THSD7B: variants seen among roughly 807,000 people sequenced by gnomAD.
THSD7B encodes the protein thrombospondin type 1 domain containing 7B, also known as thrombospondin type-1 domain-containing protein 7B.
THSD7B carries 138 observed loss-of-function variants against 213.6 expected under a neutral mutation model. The observed-to-expected ratio is 0.65, with a 90% confidence interval of 0.56 to 0.74. THSD7B has a LOEUF of 0.74. Among genes scored for constraint, THSD7B ranks in the 30% least tolerant of loss-of-function variants. The probability of loss-of-function intolerance (pLI) is 0.00; values close to 1 mark genes in which losing one functional copy is unlikely to be tolerated. For missense variants in THSD7B, 1,931 were observed against 1,991.5 expected, an observed-to-expected ratio of 0.97 and a Z score of 0.58; for synonymous variants, 742 against 687.0, an observed-to-expected ratio of 1.08 and a Z score of -1.25.
chr2:136,838,519 C>T (rs1394238030), intron 1 of THSD7B, among the ~76,000 whole-genome samples: 1 of 152,166 alleles, frequency 6.6e-6, no homozygotes, highest in African/African-American at 2.4e-5. Flanking sequence ...GGAACATAAC[C>T]TTTCAAATTA....
At chr2:137,239,969 G>C (rs1401202776) in intron 9 of THSD7B, among the ~76,000 whole-genome samples, 1 of 152,092 alleles carries the variant, frequency 6.6e-6, no homozygotes, top group African/African-American at 2.4e-5. Flanking sequence ...CCAGCTACTT[G>C]GTGTCTCTTT....
intron 27 of THSD7B, among the ~76,000 whole-genome samples, chr2:137,674,722 T>C (rs1296358141): frequency 6.6e-6 from 1 of 152,228 alleles, no homozygotes; most frequent in African/African-American, 2.4e-5. Flanking sequence ...ATCTTGTTTT[T>C]GCATCTCCGC....
intron 2 of THSD7B, among the ~76,000 whole-genome samples, chr2:136,960,438 C>T (rs1429379037): frequency 6.6e-6 from 1 of 152,132 alleles, no homozygotes; most frequent in Non-Finnish European, 1.5e-5. Context: ...TGTGCTTGGC[C>T]TGGAATGGTC....
intron 7 of THSD7B, among the ~76,000 whole-genome samples, chr2:137,201,573 G>A (rs1680876285): frequency 6.6e-6 from 1 of 152,002 alleles, no homozygotes; most frequent in African/African-American, 2.4e-5. Context: ...TACTCCATAA[G>A]TATATATAAT....
In THSD7B at chr2:137,570,409, C is replaced by T. The variant is rs186109777; in HGVS notation, c.3273-1997C>T. Among the ~76,000 whole-genome samples, 990 of 152,110 alleles carry T rather than the reference C, an allele frequency of 6.5e-3. 6 individuals carry two copies. Among genetic ancestry groups the T allele is most frequent in the African/African-American group, 0.023 (937 of 41,514 alleles). ...CTGCAAACTCAGCCTCCCGGGTTCA[C>T]GCCATTCTCCTGCCTTAGCCTCCCG... is the stretch of plus-strand genomic sequence containing the variant. On this transcript the variant is annotated intron_variant, in intron 16 of 27. Transcript: ENST00000409968.
intron 5 of THSD7B, among the ~76,000 whole-genome samples, chr2:137,118,044 A>G (rs566162116): frequency 1.8e-4 from 27 of 152,324 alleles, no homozygotes; most frequent in African/African-American, 6.3e-4. Flanking sequence ...AAATGCAGCC[A>G]AAATAGTGCT....
At chr2:137,395,648 G>T (rs1028248933) in intron 12 of THSD7B, among the ~76,000 whole-genome samples, 1 of 152,156 alleles carries the variant, frequency 6.6e-6, no homozygotes, top group African/African-American at 2.4e-5. Context: ...TCTCTGTCCA[G>T]CTTTGGTATC....
intron 1 of THSD7B, among the ~76,000 whole-genome samples, chr2:136,839,107 A>G (rs1193480936): frequency 6.6e-6 from 1 of 152,216 alleles, no homozygotes; most frequent in Non-Finnish European, 1.5e-5. Context: ...TTCTCATGCC[A>G]TATAGGACAA....
chr2:137,610,999 T>TAATAATA lies in THSD7B; in HGVS notation c.3424-5170_3424-5164dup, dbSNP rs1553464056. ...CCTAAAACTTAAAGTATAATAATAA[T>TAATAATA]AATAATAAATAAAAAATAAAATAAA... On this transcript the variant is annotated intron_variant, in intron 17 of 27. Coordinates refer to ENST00000409968, the MANE Select transcript of THSD7B (RefSeq NM_001316349.2). Among the ~76,000 whole-genome samples, 25 of 116,616 alleles carry TAATAATA rather than the reference T, an allele frequency of 2.1e-4. 1 individual carries two copies. The South Asian group carries it at 5.4e-3, about 25-fold the overall frequency. 76.5% of individuals were successfully genotyped at this position (116,616 alleles called of 152,430 possible).
chr2:136,989,711 C>G (rs956306609), intron 2 of THSD7B, among the ~76,000 whole-genome samples: 1 of 152,196 alleles, frequency 6.6e-6, no homozygotes, highest in African/African-American at 2.4e-5. Context: ...CCAAGATGAG[C>G]TCAGAGAGGC....
chr2:137,078,011 A>G (rs898666671), intron 3 of THSD7B, among the ~76,000 whole-genome samples: 3 of 152,228 alleles, frequency 2.0e-5, no homozygotes, highest in African/African-American at 7.2e-5. Flanking sequence ...TATAAGATGT[A>G]AGGAAGGGAT....
rs1428354403 is a variant in THSD7B, at chr2:137,343,083, T to G, written c.2501-62530T>G. Among the ~76,000 whole-genome samples the G allele has an allele frequency of 7.9e-5, 12 of 151,776 alleles. No individual in the cohort carries two copies. In the South Asian group the frequency reaches 1.5e-3, roughly 18 times the overall value. The stretch of plus-strand genomic sequence containing the variant: ...AGTATTCCCTTCTGTTTTTTTTTTT[T>G]GTTTTTTGTTTTTTGCATGAGTTTG... On this transcript the variant is annotated intron_variant, in intron 12 of 27. Transcript: ENST00000409968.
intron 12 of THSD7B, among the ~76,000 whole-genome samples, chr2:137,389,076 C>T (rs1044234199): frequency 6.6e-6 from 1 of 150,920 alleles, no homozygotes. Flanking sequence ...CTATTTTTAG[C>T]TTTTTGAGAA....
At chr2:137,514,542 T>A (rs959793280) in intron 15 of THSD7B, among the ~76,000 whole-genome samples, 2 of 152,166 alleles carry the variant, frequency 1.3e-5, no homozygotes, top group Middle Eastern at 3.2e-3. Flanking sequence ...TTTATATATA[T>A]CTATCCTATT....
intron 2 of THSD7B, among the ~76,000 whole-genome samples, chr2:137,037,633 T>C (rs991359138): frequency 2.6e-5 from 4 of 152,130 alleles, no homozygotes; most frequent in Non-Finnish European, 5.9e-5. Flanking sequence ...GAAATCACAG[T>C]TCTGCTTTTT....
At chr2:137,199,220 T>A (rs1680829494) in intron 7 of THSD7B, among the ~76,000 whole-genome samples, 2 of 152,172 alleles carry the variant, frequency 1.3e-5, no homozygotes, top group Admixed American at 1.3e-4. Context: ...CAAATGCTTT[T>A]CCCAGTCATT....
chr2:137,534,666 T>G (rs185720613), intron 15 of THSD7B, among the ~76,000 whole-genome samples: 1 of 151,868 alleles, frequency 6.6e-6, no homozygotes, highest in East Asian at 1.9e-4. Flanking sequence ...AGTTTTCTTT[T>G]TTACCCCAAA....
intron 1 of THSD7B, among the ~76,000 whole-genome samples, chr2:136,773,723 TC>T (rs1382715517): frequency 6.6e-6 from 1 of 152,094 alleles, no homozygotes; most frequent in Admixed American, 6.6e-5. Flanking sequence ...TATTAACGAC[TC>T]TACCCTACTG....
intron 27 of THSD7B, among the ~76,000 whole-genome samples, chr2:137,671,539 A>G (rs1379186916): frequency 2.6e-5 from 4 of 152,166 alleles, no homozygotes; most frequent in Non-Finnish European, 5.9e-5. Flanking sequence ...CAAAGGAGAA[A>G]CAGGCACCTT....
Sources: allele counts gnomAD v4.1 joint callset (sites outside exome capture counted in the v4.1 genomes callset), GRCh38; gene constraint gnomAD v4.1.1; transcripts MANE v1.5; gene names NCBI Gene and HGNC (gene_info 2026-07-23, HGNC 2026-07-21).